The following TIA1 variants were observed in gnomAD, a reference collection of about 807,000 sequenced individuals.
The protein encoded by TIA1 is TIA1 cytotoxic granule associated RNA binding protein.
In TIA1, 23 loss-of-function variants were observed where a neutral mutation model predicts 65.9. That is an observed-to-expected ratio of 0.35 (90% CI 0.25 to 0.49). TIA1 has a LOEUF of 0.49. Ranked by LOEUF, TIA1 falls within the 20% of genes least tolerant of loss-of-function variation. The pLI is 0.98. For missense variants in TIA1, 371 were observed against 477.9 expected (o/e 0.78, Z 2.09); for synonymous variants, 147 against 149.4 (o/e 0.98, Z 0.12).
chr2:70,213,265 C>G (rs1677062464), intron 12 of TIA1, among the ~76,000 whole-genome samples: 1 of 151,874 alleles, frequency 6.6e-6, no homozygotes, highest in African/African-American at 2.4e-5. Context: ...CATTATACTA[C>G]TCAAAGAAGA....
Position 70,214,499 on chromosome 2 carries a change from TA to T in TIA1, c.889-6del. The T allele has an allele frequency of 1.2e-6, 2 of 1,605,094 alleles. No homozygotes were observed. Among genetic ancestry groups the T allele is most frequent in the Non-Finnish European group, 1.7e-6 (2 of 1,176,442 alleles). ...GGGATATCCAATTTGATTCTGCTAT[TA>T]AATAAAATTTAGTATTACTTGAAGT... On this transcript the variant is annotated splice_region_variant and splice_polypyrimidine_tract_variant and intron_variant, in intron 11 of 12. Coordinates refer to ENST00000433529, the MANE Select transcript of TIA1 (RefSeq NM_022173.4).
At chr2:70,238,245 T>C (rs66994419) in intron 1 of TIA1, among the ~76,000 whole-genome samples, 9,407 of 148,834 alleles carry the variant, frequency 0.063, 338 homozygotes, top group East Asian at 0.17. Context: ...ACTAAGAACA[T>C]TGACGTTCCC....
In TIA1 at chr2:70,217,064, G is replaced by A. The variant is rs913870148; in HGVS notation, c.475-70C>T. 20 of 1,449,016 alleles carry A rather than the reference G, an allele frequency of 1.4e-5. No homozygotes were observed. The African/African-American group carries it at 2.9e-4, about 21-fold the overall frequency. 89.8% of individuals were successfully genotyped at this position (1,449,016 alleles called of 1,614,324 possible). A position where few individuals can be genotyped will look rare whatever the true frequency, so the allele number is the denominator to read the frequency against. On this transcript the variant is annotated intron_variant, in intron 7 of 12. Transcript: ENST00000433529. ...TGATGTTAAACAACTCTTAGCAGTA[G>A]AGAAAACTTGGTGCTTTTCACAAAT...
Position 70,214,492 on chromosome 2 carries a change from C to A in TIA1, c.891G>T (p.Gln297His). Residue 297 changes from glutamine (Q) to histidine (H), a missense_variant and splice_region_variant, in exon 12 of 13, where the codon CAG becomes CAT. Physicochemically the swap from Gln to His is conservative, Grantham distance 24. Transcript: ENST00000433529. ...TLDMINPVQQ[Q>H]NQIGYPQPYG... is the part of the protein sequence containing the mutation. ...AAGGTTGGGGATATCCAATTTGATT[C>A]TGCTATTAAATAAAATTTAGTATTA... The A allele has an allele frequency of 6.2e-7, 1 of 1,607,578 alleles. No homozygotes were observed. The highest frequency in any genetic ancestry group is 1.7e-5 in the Admixed American group (1 of 58,512).
chr2:70,241,830 G>A (rs1691909416), intron 1 of TIA1, among the ~76,000 whole-genome samples: 1 of 151,794 alleles, frequency 6.6e-6, no homozygotes. Flanking sequence ...TGTAGTTCCA[G>A]CTACTTGGGA....
At chr2:70,234,096 T>C (rs1030562249) in intron 2 of TIA1, among the ~76,000 whole-genome samples, 1 of 152,224 alleles carries the variant, frequency 6.6e-6, no homozygotes, top group African/African-American at 2.4e-5. Flanking sequence ...CAGGGAAACA[T>C]ATGACCAGCC....
chr2:70,230,916 T>G lies in TIA1; in HGVS notation c.124-62A>C, dbSNP rs757131292. 2.1e-5 allele frequency: 28 copies of G among 1,361,392 alleles called. No homozygotes were observed. In the South Asian group the frequency reaches 3.6e-4, roughly 18 times the overall value. 84.3% of individuals were successfully genotyped at this position (1,361,392 alleles called of 1,614,324 possible). A position where few individuals can be genotyped will look rare whatever the true frequency, so the allele number is the denominator to read the frequency against. On this transcript the variant is annotated intron_variant, in intron 2 of 12. Transcript: ENST00000433529. The stretch of plus-strand genomic sequence containing the variant: ...TTATTCACCCATTACCTTAAAATTA[T>G]GTAAAAAAAAAAATCTTAAACCAAG...
At chr2:70,215,334 C>A (rs201592777) in intron 11 of TIA1, 37 bp downstream of exon 11, 1 of 1,610,460 alleles carries the variant, frequency 6.2e-7, no homozygotes, top group Non-Finnish European at 8.5e-7. Flanking sequence ...ACATTATTAG[C>A]CCAACAATTA....
chr2:70,217,293 T>A (rs1255009356), intron 7 of TIA1: 2 of 195,374 alleles, frequency 1.0e-5, no homozygotes, highest in African/African-American at 4.6e-5. Context: ...TGCCTCAGCC[T>A]CCTGAGTAGC....
intron 1 of TIA1, among the ~76,000 whole-genome samples, 153 bp from the exon 2 acceptor site, chr2:70,236,328 T>C (rs2104578265): frequency 6.6e-6 from 1 of 151,914 alleles, no homozygotes; most frequent in East Asian, 1.9e-4. Flanking sequence ...CCTCCCCGAG[T>C]AGCTGGGATT....
In TIA1 at chr2:70,231,632, A is replaced by T. The variant is rs13402990; in HGVS notation, c.124-778T>A. Among the ~76,000 whole-genome samples the T allele has an allele frequency of 9.1e-3, 1,377 of 152,122 alleles. 28 individuals are homozygous for T. Among genetic ancestry groups the T allele is most frequent in the African/African-American group, 0.031 (1,289 of 41,496 alleles). On this transcript the variant is annotated intron_variant, in intron 2 of 12. Transcript: ENST00000433529. The stretch of plus-strand genomic sequence containing the variant: ...AGCTACACAGATTAAGTTTGACTGA[A>T]CTCCTAAGTTCTGAAGTCTCACTTC...
At chr2:70,236,674 T>C (rs1424552028) in intron 1 of TIA1, among the ~76,000 whole-genome samples, 2 of 152,152 alleles carry the variant, frequency 1.3e-5, no homozygotes, top group East Asian at 3.9e-4. Context: ...TTGCCCAGAC[T>C]AGAGTGTAGT....
At chr2:70,214,620 A>T in intron 11 of TIA1, 126 bp from the exon 12 acceptor site, 1 of 671,420 alleles carries the variant, frequency 1.5e-6, no homozygotes, top group Non-Finnish European at 2.2e-6. Context: ...AGGATAAACA[A>T]GAGTTGACTG....
chr2:70,216,184 G>GT lies in TIA1; in HGVS notation c.764+23dup, dbSNP rs561220308. 3.0e-4 allele frequency: 456 copies of GT among 1,496,710 alleles called. 2 individuals carry two copies. In the Middle Eastern group the frequency reaches 4.0e-3, roughly 13 times the overall value. The allele number at this position is 1,496,710 out of a possible 1,614,324, so 92.7% of individuals were successfully genotyped here. A position where few individuals can be genotyped will look rare whatever the true frequency, so the allele number is the denominator to read the frequency against. On this transcript the variant is annotated intron_variant, in intron 10 of 12. Coordinates refer to ENST00000433529, the MANE Select transcript of TIA1 (RefSeq NM_022173.4). ...TTCCAGTTACATTACCAAGAAAAAT[G>GT]TTTTTTTAAAAAACCATCCCTACCG...
At position 70,248,500 on chromosome 2, in the gene TIA1, G is replaced by A. The variant is rs1695526542; in HGVS notation, c.-70C>T. Reference sequence around the variant, plus strand: ...CTTCACTACCTCCCAAATCGTTTAAGCGGTTATGGCTACAGGATAGTGGGG... The same window carrying A: ...CTTCACTACCTCCCAAATCGTTTAAACGGTTATGGCTACAGGATAGTGGGG... On this transcript the variant is annotated 5_prime_UTR_variant, in exon 1 of 13. Coordinates refer to ENST00000433529, the MANE Select transcript of TIA1 (RefSeq NM_022173.4). 1 of 1,598,678 alleles carries A rather than the reference G, an allele frequency of 6.3e-7. No individual in the cohort carries two copies. The highest frequency in any genetic ancestry group is 1.3e-5 in the African/African-American group (1 of 74,900).
chr2:70,222,148 CA>C lies in TIA1; in HGVS notation c.474+2405del, dbSNP rs70956953. On this transcript the variant is annotated intron_variant, in intron 7 of 12. Transcript: ENST00000433529. Reference sequence around the variant, plus strand: ...ACAAAAACAAAACAAAACAAACAAACAAAAAAAAAACAATGAAGCAGTGGCA... The same window carrying C: ...ACAAAAACAAAACAAAACAAACAAACAAAAAAAAACAATGAAGCAGTGGCA... Among the ~76,000 whole-genome samples the C allele has an allele frequency of 6.8e-5, 10 of 147,978 alleles. No homozygotes were observed. The East Asian group carries it at 9.9e-4, about 15-fold the overall frequency.
intron 7 of TIA1, among the ~76,000 whole-genome samples, chr2:70,218,672 A>G (rs1679805401): frequency 6.6e-6 from 1 of 152,154 alleles, no homozygotes; most frequent in Admixed American, 6.5e-5. Context: ...TGACCTCGTG[A>G]TCCGCCTGCC....
chr2:70,225,026 A>AT, intron 6 of TIA1: 1 of 987,610 alleles, frequency 1.0e-6, no homozygotes, highest in Non-Finnish European at 1.2e-6. Context: ...CTACCTAATC[A>AT]TTAAAAAAAA....
At chr2:70,228,539 C>T (rs570196781) in intron 5 of TIA1, 23 of 1,127,610 alleles carry the variant, frequency 2.0e-5, no homozygotes, top group African/African-American at 5.1e-5. Flanking sequence ...AGAGAAATAA[C>T]CAACCCATAT....
Sources: gnomAD v4.1 joint callset for allele counts (sites outside exome capture counted in the v4.1 genomes callset) on GRCh38, gnomAD v4.1.1 for gene constraint, MANE v1.5 for transcripts, NCBI Gene and HGNC (gene_info 2026-07-23, HGNC 2026-07-21) for gene names.